The following RTEL1 variants were observed in gnomAD, a reference collection of about 807,000 sequenced individuals.
RTEL1 encodes the protein regulator of telomere elongation helicase 1, also known as regulator of telomere length.
Under a neutral mutation model 162.2 loss-of-function variants are expected in RTEL1, and 86 were observed. The ratio of observed to expected loss-of-function variants is 0.53; its 90% CI spans 0.45 to 0.63. The LOEUF is 0.63. Ranked by LOEUF, RTEL1 falls within the 30% of genes least tolerant of loss-of-function variation. The pLI is 0.00. For missense variants in RTEL1, 1,941 were observed against 1,750.2 expected (o/e 1.11, Z -1.95); for synonymous variants, 958 against 717.9 (o/e 1.33, Z -5.35).
chr20:63,687,257 G>A, intron 16 of RTEL1: 1 of 210,244 alleles, frequency 4.8e-6, no homozygotes, highest in Non-Finnish European at 9.5e-6. Flanking sequence ...TCTGCACGCG[G>A]CCGTGGAATG....
intron 14 of RTEL1, 83 bp downstream of exon 14, chr20:63,680,802 C>G (rs111403982): frequency 6.3e-7 from 1 of 1,585,420 alleles, no homozygotes; most frequent in African/African-American, 1.3e-5. Flanking sequence ...TTAACTGATT[C>G]TAGACTTGGG....
At chr20:63,674,910 C>CT (rs935691389) in intron 10 of RTEL1, among the ~76,000 whole-genome samples, 172 of 142,492 alleles carry the variant, frequency 1.2e-3, no homozygotes, top group South Asian at 3.3e-3. Flanking sequence ...TATTTTCTTT[C>CT]TTTTTTTTTT....
rs149145821 is a variant in RTEL1, at chr20:63,695,185, G to C, written c.3463G>C (p.Val1155Leu). The C allele has an allele frequency of 3.1e-6, 5 of 1,612,096 alleles. No homozygotes were observed. In the South Asian group the frequency reaches 5.5e-5, roughly 18 times the overall value. The change falls in exon 33 of 35, where the codon GTG becomes CTG. Residue 1155 changes from valine to leucine, a missense_variant. By Grantham distance (32) the Val-to-Leu change is conservative. Coordinates refer to ENST00000360203, the MANE Select transcript of RTEL1 (RefSeq NM_001283009.2). ...PPGPQEERLA[V>L]PPVLTHRAPQ... The stretch of plus-strand genomic sequence containing the variant: ...GGGACCCCAGGAGGAGAGGCTTGCC[G>C]TGCCTCCTGTGCTTACCCACAGGGC...
chr20:63,687,596 C>T lies in RTEL1; in HGVS notation c.1349-42C>T, dbSNP rs767579242. On this transcript the variant is annotated intron_variant, in intron 16 of 34. Coordinates refer to ENST00000360203, the MANE Select transcript of RTEL1 (RefSeq NM_001283009.2). ...AGGCAGGTGGTCAGGCCCCCAGTCC[C>T]GTCCTCACACTCTGTGCCCTCTGCC... The T allele has an allele frequency of 3.4e-5, 53 of 1,561,134 alleles. No individual in the cohort carries two copies. In the Middle Eastern group the frequency reaches 7.0e-4, roughly 21 times the overall value.
At chr20:63,659,587 T>C (rs1193145500) in intron 2 of RTEL1, 83 bp downstream of exon 2, 1 of 1,060,672 alleles carries the variant, frequency 9.4e-7, no homozygotes, top group Non-Finnish European at 1.5e-6. Context: ...CCCGGCCCAT[T>C]CCAGCCAGGC....
At chr20:63,688,642 C>A in intron 21 of RTEL1, 37 bp downstream of exon 21, 1 of 1,564,762 alleles carries the variant, frequency 6.4e-7, no homozygotes, top group South Asian at 1.1e-5. Context: ...CTGCTGCCCC[C>A]TCGTGCCTCC....
Position 63,689,566 on chromosome 20 carries a change from A to T in RTEL1, c.1943A>T (p.Tyr648Phe). The change falls in exon 23 of 35, where the codon TAC becomes TTC. Residue 648 changes from tyrosine to phenylalanine, a missense_variant. Transcript: ENST00000360203. ...GRGVIVTGLPYPPRMDPRVVL... is the reference protein window; with the variant it reads ...GRGVIVTGLPFPPRMDPRVVL... ...GGTGTGATTGTCACGGGCCTCCCGT[A>T]CCCCCCACGCATGGACCCCCGGGTT... 6.2e-7 allele frequency: 1 copy of T among 1,611,836 alleles called. No individual in the cohort carries two copies. The highest frequency in any genetic ancestry group is 8.5e-7 in the Non-Finnish European group (1 of 1,179,658).
At position 63,693,249 on chromosome 20, in the gene RTEL1, A is replaced by C; in HGVS notation, c.2958A>C (p.Arg986=). ...CGYRPEHSIP[R]RQRAQPVLDP... ...ATCGGCCTGAGCACAGCATTCCCCGAAGGCAGCGGGCACAGCCGGTCCTGG... is the reference window on the plus strand; with the variant it reads ...ATCGGCCTGAGCACAGCATTCCCCGCAGGCAGCGGGCACAGCCGGTCCTGG... The change falls in exon 30 of 35, where the codon CGA becomes CGC. Residue 986 remains arginine (R), a synonymous_variant. Coordinates refer to ENST00000360203, the MANE Select transcript of RTEL1 (RefSeq NM_001283009.2). The C allele has an allele frequency of 6.2e-7, 1 of 1,611,944 alleles. No individual in the cohort carries two copies. The highest frequency in any genetic ancestry group is 8.5e-7 in the Non-Finnish European group (1 of 1,179,434).
rs925928624 is a variant in RTEL1 at position 63,693,143 on chromosome 20, G to T, written c.2852G>T (p.Gly951Val). 1 of 1,612,092 alleles carries T rather than the reference G, an allele frequency of 6.2e-7. No individual in the cohort carries two copies. The highest frequency in any genetic ancestry group is 1.3e-5 in the African/African-American group (1 of 74,864). ...EDPKKHNLLQ[G>V]FYQFVRPHHK... ...GGGACAGACGCCCCTTCCTCTACAG[G>T]CTTCTACCAGTTTGTGCGGCCCCAC... Residue 951 changes from glycine (G) to valine (V), a missense_variant and splice_region_variant, in exon 30 of 35, where the codon GGC (glycine) becomes GTC (valine). Physicochemically the swap from Gly to Val is moderately radical, Grantham distance 109 (BLOSUM62 -3). Coordinates refer to ENST00000360203, the MANE Select transcript of RTEL1 (RefSeq NM_001283009.2).
intron 10 of RTEL1, among the ~76,000 whole-genome samples, chr20:63,677,259 T>C (rs2738783): frequency 6.6e-6 from 1 of 152,120 alleles, no homozygotes; most frequent in South Asian, 2.1e-4. Context: ...TGGTCGTTGT[T>C]ACTGGGTGTT....
At position 63,668,629 on chromosome 20, in the gene RTEL1, G is replaced by A. The variant is rs1201932726; in HGVS notation, c.699+1076G>A. On this transcript the variant is annotated intron_variant, in intron 8 of 34. Coordinates refer to ENST00000360203, the MANE Select transcript of RTEL1 (RefSeq NM_001283009.2). The surrounding 1 kb of genome is among the most constrained non-coding windows in gnomAD (Gnocchi z 4.3). Reference sequence around the variant, plus strand: ...GGGGGCGGCTGGGGGGCCGACTCCTGGGAAGCTGTAGCAGAACCCCACAGA... The same window carrying A: ...GGGGGCGGCTGGGGGGCCGACTCCTAGGAAGCTGTAGCAGAACCCCACAGA... Among the ~76,000 whole-genome samples, 1 of 152,090 alleles carries A rather than the reference G, an allele frequency of 6.6e-6. No homozygotes were observed. The highest frequency in any genetic ancestry group is 1.5e-5 in the Non-Finnish European group (1 of 68,022).
chr20:63,687,881 G>A, intron 17 of RTEL1, 56 bp from the exon 18 acceptor site: 2 of 1,599,072 alleles, frequency 1.3e-6, no homozygotes, highest in South Asian at 2.2e-5. Flanking sequence ...GGGCCTCGAG[G>A]GCTAAAGGGG....
At chr20:63,671,958 A>G (rs1207866494) in intron 8 of RTEL1, among the ~76,000 whole-genome samples, 1 of 151,964 alleles carries the variant, frequency 6.6e-6, no homozygotes, top group Non-Finnish European at 1.5e-5. Context: ...ATCTCGGCTC[A>G]CATTAACCTC....
chr20:63,691,624 C>T (rs986704864), intron 27 of RTEL1, 118 bp from the exon 28 acceptor site: 27 of 837,712 alleles, frequency 3.2e-5, no homozygotes, highest in African/African-American at 1.9e-4. Context: ...CCCCCTCCCC[C>T]GACCTCCATC....
intron 15 of RTEL1, 27 bp downstream of exon 15, chr20:63,685,624 G>A: frequency 1.9e-6 from 3 of 1,602,752 alleles, no homozygotes; most frequent in Non-Finnish European, 1.7e-6. Flanking sequence ...GGAGGCAGGT[G>A]GAGGGCAGCC....
chr20:63,690,690 C>G, intron 26 of RTEL1, 115 bp from the exon 27 acceptor site: 3 of 1,242,370 alleles, frequency 2.4e-6, no homozygotes, highest in Non-Finnish European at 3.3e-6. Flanking sequence ...AGGGAGGACA[C>G]CCACAGGCAG....
chr20:63,662,393 T>TAGCTCCC (rs749487374), intron 4 of RTEL1, 153 bp from the exon 5 acceptor site: 1 of 1,498,714 alleles, frequency 6.7e-7, no homozygotes, highest in South Asian at 1.2e-5. Flanking sequence ...GCTCGTCTTC[T>TAGCTCCC]AGCTCCCTCC....
intron 14 of RTEL1, chr20:63,681,020 G>C: frequency 1.0e-6 from 1 of 985,408 alleles, no homozygotes; most frequent in Non-Finnish European, 1.2e-6. Flanking sequence ...CTCAGGCCAG[G>C]GGGGACCCAC....
At chr20:63,693,561 T>TCCACCTCCA (rs2090861411) in intron 30 of RTEL1, among the ~76,000 whole-genome samples, 1 of 4,876 alleles carries the variant, frequency 2.1e-4, no homozygotes, top group Non-Finnish European at 3.5e-4. Context: ...CACCTCCACC[T>TCCACCTCCA]CCACCACCTC....
Sources: gnomAD v4.1 joint callset for allele counts (sites outside exome capture counted in the v4.1 genomes callset) on GRCh38, gnomAD v4.1.1 for gene constraint, Gnocchi (gnomAD v3.1) non-coding constraint, MANE v1.5 for transcripts, NCBI Gene and HGNC (gene_info 2026-07-23, HGNC 2026-07-21) for gene names.